Variants in WDR41 observed in about 807,000 individuals in gnomAD.
WDR41 encodes the protein WD repeat domain 41.
In WDR41, 63 loss-of-function variants were observed where a neutral mutation model predicts 69.3. The observed-to-expected ratio is 0.91, with a 90% CI of 0.74 to 1.12. The LOEUF is 1.12. WDR41 is among the 50% of genes most tolerant of loss of function. The probability of loss-of-function intolerance (pLI) is 0.00; values close to 1 mark genes in which losing one functional copy is unlikely to be tolerated. For missense variants in WDR41, 543 were observed against 534.5 expected, an observed-to-expected ratio of 1.02 and a Z score of -0.16; for synonymous variants, 185 against 192.1, an observed-to-expected ratio of 0.96 and a Z score of 0.31.
intron 1 of WDR41, among the ~76,000 whole-genome samples, chr5:77,619,959 G>A (rs1744746238): frequency 6.6e-6 from 1 of 152,104 alleles, no homozygotes; most frequent in East Asian, 1.9e-4. Context: ...ACTAAGGGAA[G>A]AGGAAATTAC....
At chr5:77,568,577 A>G (rs759286215) in intron 1 of WDR41, among the ~76,000 whole-genome samples, 3 of 152,168 alleles carry the variant, frequency 2.0e-5, no homozygotes, top group Non-Finnish European at 2.9e-5. Flanking sequence ...CACAGGTAAT[A>G]TGATTTGGGG....
chr5:77,605,568 G>T (rs1744399896), intron 1 of WDR41, among the ~76,000 whole-genome samples: 1 of 152,160 alleles, frequency 6.6e-6, no homozygotes, highest in Non-Finnish European at 1.5e-5. Flanking sequence ...TCCCTGAAGG[G>T]CAGAGCTGCT....
intron 2 of WDR41, among the ~76,000 whole-genome samples, chr5:77,468,882 T>C (rs373453167): frequency 6.6e-6 from 1 of 151,474 alleles, no homozygotes; most frequent in Admixed American, 6.6e-5. Context: ...AAGGTCTATA[T>C]AGCACAACTG....
chr5:77,505,419 G>T (rs1255422704), intron 1 of WDR41, among the ~76,000 whole-genome samples: 1 of 152,142 alleles, frequency 6.6e-6, no homozygotes, highest in Non-Finnish European at 1.5e-5. Flanking sequence ...TCATGGGTAG[G>T]AAGAATCAAT....
chr5:77,571,699 A>G (rs1279930068), intron 1 of WDR41, among the ~76,000 whole-genome samples: 2 of 151,842 alleles, frequency 1.3e-5, no homozygotes. Flanking sequence ...CTCTTCCTCC[A>G]TGGTAGATTC....
rs201756975 is a variant in WDR41, at chr5:77,563,739, A to G, written c.42+56740T>C. Among the ~76,000 whole-genome samples the G allele has an allele frequency of 2.0e-4, 30 of 152,334 alleles. No homozygotes were observed. The East Asian group carries it at 5.6e-3, about 28-fold the overall frequency. ...GGTACTTCTTGGATGGGGAATTTCA[A>G]TGATTTAAAACATTATTTTTATATT... is the stretch of plus-strand genomic sequence containing the variant. On this transcript the variant is annotated intron_variant, in intron 1 of 5. Transcript: ENST00000509971.
At chr5:77,572,252 G>A (rs551011273) in intron 1 of WDR41, among the ~76,000 whole-genome samples, 24 of 152,184 alleles carry the variant, frequency 1.6e-4, no homozygotes, top group African/African-American at 4.1e-4. Flanking sequence ...TACCCACTTC[G>A]CAAAAGAGAA....
chr5:77,450,495 T>A lies in WDR41; in HGVS notation c.587-625A>T, dbSNP rs571794920. Among the ~76,000 whole-genome samples, 3 of 152,322 alleles carry A rather than the reference T, an allele frequency of 2.0e-5. No homozygotes were observed. The South Asian group carries it at 6.2e-4, about 32-fold the overall frequency. On this transcript the variant is annotated intron_variant, in intron 7 of 12. Transcript: ENST00000296679. ...AAATACAGTTTTATTTAAACTAGTA[T>A]AAATCCTAACTTTAATCAATACAGA...
chr5:77,469,433 G>A (rs1242207294), intron 2 of WDR41, among the ~76,000 whole-genome samples: 1 of 152,106 alleles, frequency 6.6e-6, no homozygotes, highest in Non-Finnish European at 1.5e-5. Context: ...TTCCTCTGTT[G>A]TCATCTAACA....
intron 4 of WDR41, among the ~76,000 whole-genome samples, chr5:77,462,379 A>T (rs1293124481): frequency 7.1e-6 from 1 of 140,312 alleles, no homozygotes; most frequent in Non-Finnish European, 1.5e-5. Flanking sequence ...ATTGCACTCC[A>T]GCCTGGGCAA....
chr5:77,480,939 G>C (rs1801208180), intron 2 of WDR41, among the ~76,000 whole-genome samples: 1 of 151,786 alleles, frequency 6.6e-6, no homozygotes, highest in Non-Finnish European at 1.5e-5. Flanking sequence ...CCCACTACTA[G>C]AGAAACATTC....
intron 1 of WDR41, among the ~76,000 whole-genome samples, chr5:77,535,019 C>G (rs1358158190): frequency 1.3e-5 from 2 of 152,268 alleles, no homozygotes; most frequent in Non-Finnish European, 2.9e-5. Flanking sequence ...ATTAACTGTT[C>G]TGGGTAAATA....
chr5:77,619,203 TCA>T (rs1254440922), intron 1 of WDR41, among the ~76,000 whole-genome samples: 4 of 152,230 alleles, frequency 2.6e-5, no homozygotes, highest in Non-Finnish European at 5.9e-5. Context: ...GTTTCCTCTC[TCA>T]CTTTTCTGGT....
chr5:77,582,844 C>A lies in WDR41; in HGVS notation c.42+37635G>T. 12 of 1,602,592 alleles carry A rather than the reference C, an allele frequency of 7.5e-6. No homozygotes were observed. In the East Asian group the frequency reaches 1.8e-4, roughly 24 times the overall value. On this transcript the variant is annotated intron_variant, in intron 1 of 5. Transcript: ENST00000509971. Reference sequence around the variant, plus strand: ...GTCAGTAAATGAACTAATCTACAAGCGTGGTTATGGCAAAATCAATAAGAA... The same window carrying A: ...GTCAGTAAATGAACTAATCTACAAGAGTGGTTATGGCAAAATCAATAAGAA...
intron 2 of WDR41, among the ~76,000 whole-genome samples, chr5:77,467,538 G>A (rs1203478490): frequency 6.6e-6 from 1 of 151,932 alleles, no homozygotes; most frequent in African/African-American, 2.4e-5. Flanking sequence ...TATATGATGT[G>A]TCCAAATTTT....
intron 1 of WDR41, among the ~76,000 whole-genome samples, chr5:77,506,480 G>A (rs984438446): frequency 6.6e-6 from 1 of 152,144 alleles, no homozygotes; most frequent in Non-Finnish European, 1.5e-5. Flanking sequence ...ACAGTGTGGC[G>A]ATTCCTCAAG....
intron 1 of WDR41, among the ~76,000 whole-genome samples, chr5:77,615,462 T>G (rs1051717244): frequency 2.6e-5 from 4 of 152,052 alleles, no homozygotes; most frequent in African/African-American, 7.2e-5. Flanking sequence ...TGACAATTAT[T>G]GAATCTAGGT....
chr5:77,611,827 C>T (rs1209616278), intron 1 of WDR41, among the ~76,000 whole-genome samples: 1 of 151,726 alleles, frequency 6.6e-6, no homozygotes, highest in Non-Finnish European at 1.5e-5. Context: ...CACAAAAAAC[C>T]CTTCAAAAAA....
rs184656210 is a variant in WDR41 at position 77,578,245 on chromosome 5, T to C, written c.42+42234A>G. On this transcript the variant is annotated intron_variant, in intron 1 of 5. Transcript: ENST00000509971. ...GATTTGGAGAAAACAATAGAGACAT[T>C]AGCCATAATGTCATAGAGTTTAACA... Among the ~76,000 whole-genome samples, 226 of 152,270 alleles carry C rather than the reference T, an allele frequency of 1.5e-3. 2 individuals are homozygous for C. The highest frequency in any genetic ancestry group is 5.3e-3 in the African/African-American group (222 of 41,546).
Sources: allele counts gnomAD v4.1 joint callset (sites outside exome capture counted in the v4.1 genomes callset), GRCh38; gene constraint gnomAD v4.1.1; transcripts MANE v1.5; gene names NCBI Gene and HGNC (gene_info 2026-07-23, HGNC 2026-07-21).